The following SHISA9 variants were observed in gnomAD, a reference collection of about 807,000 sequenced individuals.
The protein encoded by SHISA9 is protein shisa-9.
Under a neutral mutation model 38.0 loss-of-function variants are expected in SHISA9, and 13 were observed. The ratio of observed to expected loss-of-function variants is 0.34; its 90% confidence interval spans 0.22 to 0.54. SHISA9 has a LOEUF of 0.54. Ranked by LOEUF, SHISA9 falls within the 20% of genes least tolerant of loss-of-function variation. SHISA9 has a pLI of 0.91. For missense variants in SHISA9, 538 were observed against 575.8 expected (o/e 0.93, Z 0.67); for synonymous variants, 275 against 242.0 (o/e 1.14, Z -1.27).
rs532805144 is a variant in SHISA9, at chr16:13,237,398, C to A, written c.*1989C>A. The A allele has an allele frequency of 2.0e-5, 3 of 152,224 alleles. No individual in the cohort carries two copies. The highest frequency in any genetic ancestry group is 1.3e-4 in the Admixed American group (2 of 15,284). 9.4% of individuals were successfully genotyped at this position (152,224 alleles called of 1,614,324 possible). ...GATCTTTTGACCAGGCACAGTGGCT[C>A]ACACCTAAAATCCCAGCACTTTGGG... On this transcript the variant is annotated 3_prime_UTR_variant, in exon 5 of 5. Transcript: ENST00000558583.
chr16:13,129,320 G>C (rs1436132165), intron 2 of SHISA9, among the ~76,000 whole-genome samples: 2 of 152,214 alleles, frequency 1.3e-5, no homozygotes, highest in African/African-American at 4.8e-5. Flanking sequence ...GCTCCAAGCA[G>C]TCATTCAGGG....
In SHISA9 at chr16:12,978,832, G is replaced by A. The variant is rs139419019; in HGVS notation, c.691+62017G>A. Among the ~76,000 whole-genome samples, 939 of 152,346 alleles carry A rather than the reference G, an allele frequency of 6.2e-3. 11 individuals are homozygous for A. Among genetic ancestry groups the A allele is most frequent in the African/African-American group, 0.021 (891 of 41,590 alleles). On this transcript the variant is annotated intron_variant, in intron 2 of 4. Transcript: ENST00000558583. ...GGCTGGAGGGATGGATAGAAGGATA[G>A]ATGAGTGTGAGACAAAATACACCCA... is the stretch of plus-strand genomic sequence containing the variant.
At chr16:13,425,588 T>C in the SHISA9 span, among the ~76,000 whole-genome samples, 3 of 152,192 alleles carry the variant, frequency 2.0e-5, no homozygotes, top group Admixed American at 1.3e-4. Flanking sequence ...ATGTTCATTG[T>C]TTGGGTGAGG....
chr16:13,027,241 A>G (rs182750117), intron 2 of SHISA9, among the ~76,000 whole-genome samples: 59 of 152,334 alleles, frequency 3.9e-4, no homozygotes, highest in African/African-American at 1.4e-3. Flanking sequence ...GACTCCATCA[A>G]TATTCTTTCA....
At chr16:13,024,327 C>T (rs2072894637) in intron 2 of SHISA9, among the ~76,000 whole-genome samples, 1 of 152,224 alleles carries the variant, frequency 6.6e-6, no homozygotes, top group Admixed American at 6.5e-5. Flanking sequence ...TCTTCCTGGG[C>T]TTCCAACAGC....
chr16:13,483,226 T>C, the SHISA9 span, among the ~76,000 whole-genome samples: 1 of 152,176 alleles, frequency 6.6e-6, no homozygotes, highest in Admixed American at 6.5e-5. Context: ...ATGTAGCCTA[T>C]AAATATGTAT....
the SHISA9 span, among the ~76,000 whole-genome samples, chr16:13,339,005 C>T: frequency 1.6e-4 from 24 of 152,082 alleles, no homozygotes; most frequent in African/African-American, 5.8e-4. Context: ...ACCTGAGAGA[C>T]ACAGTATGAC....
chr16:12,919,496 A>C (rs2071301026), intron 2 of SHISA9, among the ~76,000 whole-genome samples: 1 of 152,226 alleles, frequency 6.6e-6, no homozygotes, highest in Non-Finnish European at 1.5e-5. Context: ...TTAAGAGAAT[A>C]CTAATCTCCA....
the SHISA9 span, among the ~76,000 whole-genome samples, chr16:13,358,598 A>G: frequency 6.6e-6 from 1 of 152,172 alleles, no homozygotes; most frequent in Non-Finnish European, 1.5e-5. Context: ...TTCAGGACCC[A>G]AAAACCGTAA....
the SHISA9 span, among the ~76,000 whole-genome samples, chr16:13,515,576 C>T: frequency 6.6e-6 from 1 of 152,082 alleles, no homozygotes; most frequent in South Asian, 2.1e-4. Context: ...ACAGCAAAGT[C>T]CTTGCCTCTC....
At chr16:13,234,961 T>TCA (rs2051366758) in intron 4 of SHISA9, 69 bp from the exon 5 acceptor site, 2 of 1,080,710 alleles carry the variant, frequency 1.9e-6, no homozygotes, top group African/African-American at 3.3e-5. Context: ...TCTCTAACTC[T>TCA]CTCTCTCTCT....
intron 2 of SHISA9, among the ~76,000 whole-genome samples, chr16:13,099,111 A>T (rs1394604926): frequency 6.6e-6 from 1 of 152,270 alleles, no homozygotes; most frequent in Non-Finnish European, 1.5e-5. Flanking sequence ...TTTTGCAAAT[A>T]ACGTTTTGCT....
the SHISA9 span, among the ~76,000 whole-genome samples, chr16:13,465,863 A>G: frequency 6.6e-6 from 1 of 152,264 alleles, no homozygotes; most frequent in African/African-American, 2.4e-5. Context: ...AAGTAGTTTC[A>G]TTATAACACA....
chr16:13,188,919 T>G (rs2050856066), intron 2 of SHISA9, among the ~76,000 whole-genome samples: 1 of 152,140 alleles, frequency 6.6e-6, no homozygotes, highest in African/African-American at 2.4e-5. Flanking sequence ...GATGAGTCCC[T>G]AATCCAATAT....
chr16:13,190,605 A>G (rs2050875498), intron 2 of SHISA9, among the ~76,000 whole-genome samples: 1 of 152,254 alleles, frequency 6.6e-6, no homozygotes, highest in African/African-American at 2.4e-5. Flanking sequence ...GCTGCTTCAC[A>G]TCATTCACCG....
the SHISA9 span, among the ~76,000 whole-genome samples, chr16:13,287,635 G>C: frequency 1.3e-5 from 2 of 152,168 alleles, no homozygotes; most frequent in Admixed American, 6.6e-5. Context: ...GTGGGAGTCA[G>C]ACCCTGCAGG....
At chr16:13,464,905 A>G in the SHISA9 span, among the ~76,000 whole-genome samples, 10 of 152,014 alleles carry the variant, frequency 6.6e-5, no homozygotes, top group African/African-American at 2.2e-4. Flanking sequence ...AGACTTCCAT[A>G]AACCCTCAAA....
chr16:13,546,845 A>G, the SHISA9 span, among the ~76,000 whole-genome samples: 1 of 152,128 alleles, frequency 6.6e-6, no homozygotes, highest in Non-Finnish European at 1.5e-5. Flanking sequence ...AGCCTAAAAT[A>G]TTTGCTATCA....
At chr16:13,509,699 A>G in the SHISA9 span, among the ~76,000 whole-genome samples, 3 of 152,214 alleles carry the variant, frequency 2.0e-5, no homozygotes, top group Non-Finnish European at 4.4e-5. Context: ...AGAGATTGCA[A>G]TGAGAAAATG....
Sources: allele counts gnomAD v4.1 joint callset (sites outside exome capture counted in the v4.1 genomes callset), GRCh38; gene constraint gnomAD v4.1.1; transcripts MANE v1.5; gene names NCBI Gene and HGNC (gene_info 2026-07-23, HGNC 2026-07-21).